RPS19BP1: variants seen among roughly 807,000 people sequenced by gnomAD.
RPS19BP1 encodes the protein active regulator of SIRT1.
Under a neutral mutation model 16.6 loss-of-function variants are expected in RPS19BP1, and 14 were observed. The ratio of observed to expected loss-of-function variants is 0.84; its 90% confidence interval spans 0.56 to 1.32. RPS19BP1 has a LOEUF of 1.32. Among genes scored for constraint, RPS19BP1 ranks in the 40% most tolerant of loss-of-function variants. The pLI is 0.00. For missense variants in RPS19BP1, 188 were observed against 178.6 expected (o/e 1.05, Z -0.30); for synonymous variants, 90 against 77.3 (o/e 1.16, Z -0.86).
intron 2 of RPS19BP1, chr22:39,530,317 T>C: frequency 4.2e-6 from 1 of 236,612 alleles, no homozygotes; most frequent in South Asian, 4.6e-5. Flanking sequence ...CTCACTGAAA[T>C]GACTCGAAGA....
chr22:39,532,580 C>A (rs944697665), intron 1 of RPS19BP1, 57 bp from the exon 2 acceptor site: 4 of 1,610,936 alleles, frequency 2.5e-6, no homozygotes, highest in Non-Finnish European at 3.4e-6. Context: ...CGTTCCCATG[C>A]CACTGGGGCT....
In RPS19BP1 at chr22:39,529,637, G is replaced by C. The variant is rs148875460; in HGVS notation, c.280-14C>G. 1,767 of 1,613,106 alleles carry C rather than the reference G, an allele frequency of 1.1e-3. 19 individuals are homozygous for C. In the African/African-American group the frequency reaches 0.02, roughly 19 times the overall value. Reference sequence around the variant, plus strand: ...CTGGCGCAAAATCTGGCGAGGGTGCGGGACCGAGGGCCCATCATTTCAAGA... The same window carrying C: ...CTGGCGCAAAATCTGGCGAGGGTGCCGGACCGAGGGCCCATCATTTCAAGA... On this transcript the variant is annotated splice_polypyrimidine_tract_variant and intron_variant, in intron 3 of 3. Transcript: ENST00000334678.
rs773226811 is a variant in RPS19BP1 at position 39,532,384 on chromosome 22, C to T, written c.181+11G>A. The T allele has an allele frequency of 7.4e-6, 12 of 1,614,180 alleles. No homozygotes were observed. Among genetic ancestry groups the T allele is most frequent in the Non-Finnish European group, 2.5e-6 (3 of 1,180,018 alleles). Reference sequence around the variant, plus strand: ...CCGGAGGCAGCACTTTCAGCCCCTTCCCGAACTTACCCAGTGCCGACTTGG... The same window carrying T: ...CCGGAGGCAGCACTTTCAGCCCCTTTCCGAACTTACCCAGTGCCGACTTGG... On this transcript the variant is annotated intron_variant, in intron 2 of 3. Coordinates refer to ENST00000334678, the MANE Select transcript of RPS19BP1 (RefSeq NM_194326.4).
At position 39,529,321 on chromosome 22, in the gene RPS19BP1, C is replaced by T. The variant is rs1209087578; in HGVS notation, c.*171G>A. 9.1e-6 allele frequency: 8 copies of T among 875,960 alleles called. No individual in the cohort carries two copies. The South Asian group carries it at 1.0e-4, about 11-fold the overall frequency. The allele number at this position is 875,960 out of a possible 1,614,324, so 54.3% of individuals were successfully genotyped here. On this transcript the variant is annotated 3_prime_UTR_variant, in exon 4 of 4. Coordinates refer to ENST00000334678, the MANE Select transcript of RPS19BP1 (RefSeq NM_194326.4). ...GTGTGTAAATCCTCCCCAGGACTTC[C>T]GGCCCACCAGCTCCATTCCAGCCTC...
At chr22:39,532,287 G>C (rs1328889601) in intron 2 of RPS19BP1, 108 bp downstream of exon 2, 1 of 1,515,376 alleles carries the variant, frequency 6.6e-7, no homozygotes, top group East Asian at 2.3e-5. Flanking sequence ...CACACAGTAG[G>C]TCTAGCAATA....
intron 2 of RPS19BP1, chr22:39,530,153 T>C: frequency 1.9e-6 from 1 of 522,910 alleles, no homozygotes; most frequent in South Asian, 2.5e-5. Context: ...CCAAGGGAGC[T>C]ACTCTGGAGC....
At chr22:39,529,967 C>T in intron 2 of RPS19BP1, 50 bp from the exon 3 acceptor site, 1 of 1,462,684 alleles carries the variant, frequency 6.8e-7, no homozygotes, top group African/African-American at 1.4e-5. Flanking sequence ...CCCCCTGGAA[C>T]CATTCTCAGT....
At position 39,529,642 on chromosome 22, in the gene RPS19BP1, C is replaced by T. The variant is rs896394700; in HGVS notation, c.280-19G>A. On this transcript the variant is annotated intron_variant, in intron 3 of 3. Coordinates refer to ENST00000334678, the MANE Select transcript of RPS19BP1 (RefSeq NM_194326.4). The stretch of plus-strand genomic sequence containing the variant: ...GCAAAATCTGGCGAGGGTGCGGGAC[C>T]GAGGGCCCATCATTTCAAGAGCAGA... 6 of 1,612,448 alleles carry T rather than the reference C, an allele frequency of 3.7e-6. No homozygotes were observed. In the South Asian group the frequency reaches 5.5e-5, roughly 15 times the overall value.
Position 39,529,599 on chromosome 22 carries a change from T to C in RPS19BP1, c.304A>G (p.Lys102Glu), listed in dbSNP as rs761185598. The part of the protein sequence containing the change: ...QQILRQNRGR[K>E]ACDRPVAKTK... ...TTGGCCACAGGCCGGTCACAGGCCT[T>C]GCGGCCCCGGTTCTGGCGCAAAATC... The change falls in exon 4 of 4, where the codon AAG becomes GAG. Residue 102 changes from lysine to glutamate, a missense_variant. Physicochemically the swap from Lys to Glu is moderately conservative, Grantham distance 56. Coordinates refer to ENST00000334678, the MANE Select transcript of RPS19BP1 (RefSeq NM_194326.4). 9.9e-6 allele frequency: 16 copies of C among 1,614,014 alleles called. No individual in the cohort carries two copies. Among genetic ancestry groups the C allele is most frequent in the African/African-American group, 1.3e-5 (1 of 74,936 alleles).
intron 3 of RPS19BP1, 33 bp downstream of exon 3, chr22:39,529,787 C>A: frequency 6.2e-7 from 1 of 1,606,838 alleles, no homozygotes; most frequent in Non-Finnish European, 8.5e-7. Flanking sequence ...GCTCTCACCT[C>A]CCAGGTCCCT....
chr22:39,532,368 G>C (rs775073972), intron 2 of RPS19BP1, 27 bp downstream of exon 2: 10 of 1,613,808 alleles, frequency 6.2e-6, no homozygotes, highest in Non-Finnish European at 8.5e-6. Flanking sequence ...ACCGGAGGCA[G>C]CACTTTCAGC....
In RPS19BP1 at chr22:39,529,933, A is replaced by G. The variant is rs1333910113; in HGVS notation, c.182-16T>C. ...CGGTACTCGTCTGTGGGTAGCAGGC[A>G]GGGAGCACCATTTCAGATTCACTCC... On this transcript the variant is annotated splice_polypyrimidine_tract_variant and intron_variant, in intron 2 of 3. Transcript: ENST00000334678. 3 of 1,603,570 alleles carry G rather than the reference A, an allele frequency of 1.9e-6. No homozygotes were observed. Among genetic ancestry groups the G allele is most frequent in the Admixed American group, 3.3e-5 (2 of 60,000 alleles).
intron 2 of RPS19BP1, chr22:39,530,800 A>T (rs1180321811): frequency 6.5e-6 from 1 of 153,992 alleles, no homozygotes; most frequent in Non-Finnish European, 1.5e-5. Context: ...GGAAGAGACC[A>T]AGTTTGGCTG....
At chr22:39,530,960 G>A (rs1931297025) in intron 2 of RPS19BP1, 1 of 152,242 alleles carries the variant, frequency 6.6e-6, no homozygotes, top group Non-Finnish European at 1.5e-5. Context: ...AGATTACGGG[G>A]GGAGGGGCAT....
At chr22:39,530,550 C>T (rs751796791) in intron 2 of RPS19BP1, 12 of 288,064 alleles carry the variant, frequency 4.2e-5, no homozygotes, top group South Asian at 3.1e-4. Flanking sequence ...ATGGTGAAAC[C>T]CCGTCTGTAT....
rs2145772882 is a variant in RPS19BP1, at chr22:39,532,386, C to T, written c.181+9G>A. On this transcript the variant is annotated intron_variant, in intron 2 of 3. Transcript: ENST00000334678. Reference sequence around the variant, plus strand: ...GGAGGCAGCACTTTCAGCCCCTTCCCGAACTTACCCAGTGCCGACTTGGGC... The same window carrying T: ...GGAGGCAGCACTTTCAGCCCCTTCCTGAACTTACCCAGTGCCGACTTGGGC... 2 of 1,614,176 alleles carry T rather than the reference C, an allele frequency of 1.2e-6. No individual in the cohort carries two copies. Among genetic ancestry groups the T allele is most frequent in the Non-Finnish European group, 1.7e-6 (2 of 1,180,022 alleles).
intron 2 of RPS19BP1, 25 bp from the exon 3 acceptor site, chr22:39,529,942 CATTTCAGAT>C (rs758008428): frequency 4.4e-6 from 7 of 1,584,670 alleles, no homozygotes; most frequent in Non-Finnish European, 5.2e-6. Flanking sequence ...CAGGGAGCAC[CATTTCAGAT>C]TCACTCCCCC....
At position 39,529,491 on chromosome 22, in the gene RPS19BP1, C is replaced by T. The variant is rs1037302253; in HGVS notation, c.*1G>A. ...CCTCTTCACCGTGCCCTCCAGGGAG[C>T]CTAGCTGCCGAAGTATTCCTGCTGG... On this transcript the variant is annotated 3_prime_UTR_variant, in exon 4 of 4. Coordinates refer to ENST00000334678, the MANE Select transcript of RPS19BP1 (RefSeq NM_194326.4). 9 of 1,614,046 alleles carry T rather than the reference C, an allele frequency of 5.6e-6. No individual in the cohort carries two copies. Among genetic ancestry groups the T allele is most frequent in the Middle Eastern group, 1.6e-4 (1 of 6,080 alleles).
At chr22:39,532,322 C>T in intron 2 of RPS19BP1, 73 bp downstream of exon 2, 2 of 1,606,622 alleles carry the variant, frequency 1.2e-6, no homozygotes, top group South Asian at 1.1e-5. Context: ...CAAGCCCTGC[C>T]TCAAGCGCCA....
Sources: allele counts gnomAD v4.1 joint callset, GRCh38; gene constraint gnomAD v4.1.1; transcripts MANE v1.5; gene names NCBI Gene and HGNC (gene_info 2026-07-23, HGNC 2026-07-21).